SLC4A10: variants seen among roughly 807,000 people sequenced by gnomAD.
The protein encoded by SLC4A10 is solute carrier family 4 member 10.
SLC4A10 carries 42 observed loss-of-function variants against 137.7 expected under a neutral mutation model. The observed-to-expected ratio is 0.30, with a 90% CI of 0.24 to 0.39. The LOEUF (loss-of-function observed/expected upper bound fraction) is 0.39. Ranked by LOEUF, SLC4A10 falls within the 10% of genes least tolerant of loss-of-function variation. The probability of loss-of-function intolerance (pLI) is 1.00; values close to 1 mark genes in which losing one functional copy is unlikely to be tolerated. For synonymous variants in SLC4A10, 474 were observed against 464.1 expected, an observed-to-expected ratio of 1.02 and a Z score of -0.27; for missense variants, 925 against 1,355.0, an observed-to-expected ratio of 0.68 and a Z score of 4.98.
intron 3 of SLC4A10, among the ~76,000 whole-genome samples, chr2:161,829,795 T>C (rs1317259564): frequency 6.6e-6 from 1 of 152,164 alleles, no homozygotes; most frequent in South Asian, 2.1e-4. Context: ...TCCATATGGC[T>C]GAGGAGGCCT....
In SLC4A10 at chr2:161,665,065, G is replaced by T. The variant is rs185132473; in HGVS notation, c.48+40499G>T. 5.9e-5 allele frequency among the ~76,000 whole-genome samples: 9 copies of T among 151,868 alleles called. No homozygotes were observed. In the East Asian group the frequency reaches 1.5e-3, roughly 26 times the overall value. On this transcript the variant is annotated intron_variant, in intron 1 of 26. Transcript: ENST00000446997. ...GAGATTGAAGAATGTATTTCTGTAAGCAGAATTGCAGGAGTGTAACTGAAG... is the reference window on the plus strand; with the variant it reads ...GAGATTGAAGAATGTATTTCTGTAATCAGAATTGCAGGAGTGTAACTGAAG...
intron 1 of SLC4A10, chr2:161,708,664 A>AGATCTG: frequency 2.0e-6 from 3 of 1,489,000 alleles, no homozygotes; most frequent in Non-Finnish European, 2.7e-6. Context: ...ACTGATGGAC[A>AGATCTG]GATCTGTTGT....
At chr2:161,945,535 GAGAGCAGGATTT>G (rs2105784171) in intron 16 of SLC4A10, among the ~76,000 whole-genome samples, 1 of 151,430 alleles carries the variant, frequency 6.6e-6, no homozygotes, top group Non-Finnish European at 1.5e-5. Flanking sequence ...CTCAAAAAAC[GAGAGCAGGATTT>G]GGATTTGGTT....
chr2:161,896,892 T>C (rs1345407032), intron 11 of SLC4A10, among the ~76,000 whole-genome samples: 1 of 152,106 alleles, frequency 6.6e-6, no homozygotes, highest in Non-Finnish European at 1.5e-5. Context: ...CCAAGAGGAA[T>C]ATTAAAATTT....
At chr2:161,841,773 A>C (rs1456847078) in intron 4 of SLC4A10, among the ~76,000 whole-genome samples, 1 of 152,232 alleles carries the variant, frequency 6.6e-6, no homozygotes, top group Non-Finnish European at 1.5e-5. Context: ...TAAAATTCAC[A>C]AGGTATAGGA....
intron 1 of SLC4A10, among the ~76,000 whole-genome samples, chr2:161,743,313 G>T (rs1472055990): frequency 6.6e-6 from 1 of 152,158 alleles, no homozygotes; most frequent in Admixed American, 6.5e-5. Context: ...AGAGATAGGG[G>T]TCTAGTTCTA....
chr2:161,647,709 A>G (rs770145149), intron 1 of SLC4A10, among the ~76,000 whole-genome samples: 8 of 152,218 alleles, frequency 5.3e-5, no homozygotes, highest in Non-Finnish European at 8.8e-5. Context: ...ATTAAAATGT[A>G]TAGTAATTCT....
intron 15 of SLC4A10, among the ~76,000 whole-genome samples, chr2:161,936,601 C>T (rs1691628111): frequency 6.6e-6 from 1 of 151,916 alleles, no homozygotes; most frequent in South Asian, 2.1e-4. Context: ...CTTTTATAAT[C>T]CTTTGCATTT....
chr2:161,761,802 A>G (rs895857722), intron 1 of SLC4A10, among the ~76,000 whole-genome samples: 1 of 151,938 alleles, frequency 6.6e-6, no homozygotes, highest in Non-Finnish European at 1.5e-5. Flanking sequence ...GAGGACTTTC[A>G]CCTCTGAAAC....
intron 21 of SLC4A10, among the ~76,000 whole-genome samples, chr2:161,960,748 A>C (rs1177340481): frequency 6.6e-6 from 1 of 151,730 alleles, no homozygotes; most frequent in Admixed American, 6.6e-5. Context: ...AAAAGGGAGA[A>C]AGAGATTAGA....
chr2:161,946,826 C>T (rs1313728187), intron 16 of SLC4A10, among the ~76,000 whole-genome samples: 2 of 152,038 alleles, frequency 1.3e-5, no homozygotes, highest in East Asian at 3.9e-4. Flanking sequence ...TAAATATGAG[C>T]TTTGCCTTGC....
At chr2:161,751,616 G>A (rs1195446924) in intron 1 of SLC4A10, among the ~76,000 whole-genome samples, 2 of 151,742 alleles carry the variant, frequency 1.3e-5, no homozygotes, top group Non-Finnish European at 3.0e-5. Context: ...ATATTTGTGG[G>A]AGGAGGGAAA....
At chr2:161,688,836 A>T (rs1476855164) in intron 1 of SLC4A10, among the ~76,000 whole-genome samples, 1 of 152,158 alleles carries the variant, frequency 6.6e-6, no homozygotes. Context: ...TGTTTCGGTC[A>T]TTGAAGGACT....
At chr2:161,630,441 T>C (rs998302924) in intron 1 of SLC4A10, among the ~76,000 whole-genome samples, 1 of 151,644 alleles carries the variant, frequency 6.6e-6, no homozygotes, top group African/African-American at 2.4e-5. Flanking sequence ...ATAGATAGAT[T>C]CATATATATT....
chr2:161,666,909 G>C (rs766157047), intron 1 of SLC4A10, among the ~76,000 whole-genome samples: 1 of 151,466 alleles, frequency 6.6e-6, no homozygotes, highest in African/African-American at 2.4e-5. Context: ...CTATTAATAG[G>C]CTTGGTTACT....
chr2:161,787,470 C>A (rs2053753129), intron 2 of SLC4A10, among the ~76,000 whole-genome samples: 1 of 152,114 alleles, frequency 6.6e-6, no homozygotes, highest in Non-Finnish European at 1.5e-5. Flanking sequence ...TACCTCCCAA[C>A]AAGATCAGGG....
intron 2 of SLC4A10, among the ~76,000 whole-genome samples, chr2:161,771,292 A>G (rs2051570748): frequency 6.6e-6 from 1 of 151,832 alleles, no homozygotes. Flanking sequence ...ACTGTATTCC[A>G]AGCACTGTAC....
In SLC4A10 at chr2:161,624,579, C is replaced by G. The variant is rs1291357174; in HGVS notation, c.48+13C>G. 1.3e-6 allele frequency: 2 copies of G among 1,552,184 alleles called. No homozygotes were observed. Among genetic ancestry groups the G allele is most frequent in the African/African-American group, 2.7e-5 (2 of 73,050 alleles). On this transcript the variant is annotated intron_variant, in intron 1 of 26. Transcript: ENST00000446997. Reference sequence around the variant, plus strand: ...GCTGCTGCCTACGGTAAGAGACAACCTGCTATCACATAGATTAACCGCGTT... The same window carrying G: ...GCTGCTGCCTACGGTAAGAGACAACGTGCTATCACATAGATTAACCGCGTT...
rs374169144 is a variant in SLC4A10, at chr2:161,904,118, G to T, written c.1557G>T (p.Ala519=). The T allele has an allele frequency of 6.2e-7, 1 of 1,610,764 alleles. No individual in the cohort carries two copies. The highest frequency in any genetic ancestry group is 8.5e-7 in the Non-Finnish European group (1 of 1,178,460). The change falls in exon 13 of 27, where the codon GCG becomes GCT. Residue 519 remains alanine (A), a synonymous_variant. Coordinates refer to ENST00000446997, the MANE Select transcript of SLC4A10 (RefSeq NM_001178015.2). ...CATCTTTTCTATTTCTCTACTGCGC[G>T]TGTATGTCTCCTGTCATCACGTTTG... ...CLASFLFLYC[A]CMSPVITFGG... is the part of the protein sequence containing the mutation.
Sources: allele counts gnomAD v4.1 joint callset (sites outside exome capture counted in the v4.1 genomes callset), GRCh38; gene constraint gnomAD v4.1.1; transcripts MANE v1.5; gene names NCBI Gene and HGNC (gene_info 2026-07-23, HGNC 2026-07-21).